The following TMEM117 variants were observed in gnomAD, a reference collection of about 807,000 sequenced individuals.
The protein encoded by TMEM117 is transmembrane protein 117.
A neutral mutation model predicts 52.4 loss-of-function variants in TMEM117; 27 were observed. The observed-to-expected ratio is 0.51, with a 90% CI of 0.38 to 0.71. The LOEUF is 0.71. Ranked by LOEUF, TMEM117 falls within the 30% of genes least tolerant of loss-of-function variation. The pLI, the probability that TMEM117 is intolerant of heterozygous loss-of-function variation, is 0.00. For missense variants in TMEM117, 556 were observed against 630.5 expected (o/e 0.88, Z 1.26); for synonymous variants, 215 against 206.3 (o/e 1.04, Z -0.36).
At chr12:43,933,605 C>G (rs1347968916) in intron 2 of TMEM117, among the ~76,000 whole-genome samples, 1 of 151,968 alleles carries the variant, frequency 6.6e-6, no homozygotes, top group Admixed American at 6.6e-5. Flanking sequence ...CACTCTGTCG[C>G]CAGGCTGGGA....
At chr12:44,244,128 G>T (rs976954833) in intron 5 of TMEM117, among the ~76,000 whole-genome samples, 5 of 151,794 alleles carry the variant, frequency 3.3e-5, no homozygotes, top group African/African-American at 1.2e-4. Flanking sequence ...CAATACTCTT[G>T]TATATATATC....
intron 6 of TMEM117, among the ~76,000 whole-genome samples, chr12:44,301,890 G>C (rs533249545): frequency 6.6e-6 from 1 of 152,268 alleles, no homozygotes; most frequent in Middle Eastern, 3.4e-3. Context: ...CTATGGTGAT[G>C]AGGTCATCTG....
At chr12:43,923,025 T>C (rs1204144111) in intron 2 of TMEM117, among the ~76,000 whole-genome samples, 1 of 152,196 alleles carries the variant, frequency 6.6e-6, no homozygotes, top group Admixed American at 6.5e-5. Flanking sequence ...TGGACACACC[T>C]CTGCTGGAGG....
intron 3 of TMEM117, among the ~76,000 whole-genome samples, chr12:44,141,005 A>G (rs117585699): frequency 5.5e-4 from 83 of 152,084 alleles, no homozygotes; most frequent in East Asian, 3.1e-3. Context: ...TAAATTTCCA[A>G]TGTTGTCTGT....
intron 3 of TMEM117, among the ~76,000 whole-genome samples, chr12:44,129,545 C>T (rs570503379): frequency 6.6e-6 from 1 of 152,298 alleles, no homozygotes; most frequent in East Asian, 1.9e-4. Context: ...CAAAGTGATT[C>T]CTCATGGAAC....
intron 6 of TMEM117, among the ~76,000 whole-genome samples, chr12:44,351,387 T>C (rs569596663): frequency 6.6e-6 from 1 of 152,128 alleles, no homozygotes; most frequent in East Asian, 1.9e-4. Context: ...CTATTTTTGC[T>C]TTGGTTTCCT....
chr12:43,920,039 T>G (rs1944666214), intron 2 of TMEM117, among the ~76,000 whole-genome samples: 1 of 152,038 alleles, frequency 6.6e-6, no homozygotes, highest in Non-Finnish European at 1.5e-5. Flanking sequence ...CTTCTCCCTG[T>G]GGCACAACCC....
intron 3 of TMEM117, among the ~76,000 whole-genome samples, chr12:44,075,767 G>C (rs1232272251): frequency 6.6e-6 from 1 of 152,128 alleles, no homozygotes; most frequent in Non-Finnish European, 1.5e-5. Context: ...GTATAGGGGG[G>C]AAATTATAGT....
chr12:44,284,451 A>G (rs1350742734), intron 5 of TMEM117, among the ~76,000 whole-genome samples: 1 of 152,234 alleles, frequency 6.6e-6, no homozygotes, highest in African/African-American at 2.4e-5. Context: ...GTGAAAACAG[A>G]CTAATACAAT....
chr12:44,286,750 T>C (rs1224129538), intron 5 of TMEM117, among the ~76,000 whole-genome samples: 1 of 152,246 alleles, frequency 6.6e-6, no homozygotes, highest in Non-Finnish European at 1.5e-5. Context: ...TGCTACTATG[T>C]CTCTAATCCC....
chr12:44,131,447 A>G (rs1948411980), intron 3 of TMEM117, among the ~76,000 whole-genome samples: 1 of 152,144 alleles, frequency 6.6e-6, no homozygotes, highest in African/African-American at 2.4e-5. Flanking sequence ...CATTAAAAGA[A>G]TGTGCATTCT....
intron 2 of TMEM117, among the ~76,000 whole-genome samples, chr12:43,845,412 G>A (rs949361125): frequency 4.1e-5 from 5 of 122,124 alleles, no homozygotes; most frequent in Non-Finnish European, 6.2e-5. Flanking sequence ...AGTGAGCCAA[G>A]ATTGCACCGC....
At chr12:44,282,275 C>T (rs148553657) in intron 5 of TMEM117, among the ~76,000 whole-genome samples, 2 of 152,094 alleles carry the variant, frequency 1.3e-5, no homozygotes, top group South Asian at 2.1e-4. Context: ...TAGAGTGGGA[C>T]GTTGCTGAAA....
chr12:44,191,172 G>T (rs564992812), intron 4 of TMEM117, among the ~76,000 whole-genome samples: 6 of 151,916 alleles, frequency 3.9e-5, no homozygotes, highest in African/African-American at 1.2e-4. Flanking sequence ...AGAGGGGGAA[G>T]CCTCTTATAA....
chr12:44,191,857 A>G lies in TMEM117; in HGVS notation c.511-19433A>G, dbSNP rs375071368. 4.3e-4 allele frequency among the ~76,000 whole-genome samples: 65 copies of G among 152,284 alleles called. 1 individual carries two copies. In the East Asian group the frequency reaches 0.011, roughly 25 times the overall value. ...ACTACTACATTTTTTTCTATAAGTA[A>G]TAGAATACATTCAATGTGTGCTGGT... On this transcript the variant is annotated intron_variant, in intron 4 of 7. Transcript: ENST00000266534.
At chr12:44,233,010 AT>A (rs1949951819) in intron 5 of TMEM117, among the ~76,000 whole-genome samples, 1 of 151,384 alleles carries the variant, frequency 6.6e-6, no homozygotes, top group Admixed American at 6.6e-5. Flanking sequence ...TATTATACTA[AT>A]TTTAATGATT....
intron 3 of TMEM117, among the ~76,000 whole-genome samples, chr12:43,945,507 G>C (rs1945117515): frequency 6.6e-6 from 1 of 152,072 alleles, no homozygotes; most frequent in South Asian, 2.1e-4. Context: ...TTTTTTAGTA[G>C]AGGTGGGATT....
chr12:44,093,791 G>T (rs1444347716), intron 3 of TMEM117, among the ~76,000 whole-genome samples: 1 of 125,122 alleles, frequency 8.0e-6, no homozygotes, highest in East Asian at 1.9e-4. Context: ...TTTCTTGGAG[G>T]AAGGCAGATA....
At chr12:43,959,758 T>C (rs1214204501) in intron 3 of TMEM117, among the ~76,000 whole-genome samples, 1 of 152,102 alleles carries the variant, frequency 6.6e-6, no homozygotes, top group African/African-American at 2.4e-5. Context: ...TTTTGGGAGG[T>C]GGTATTTGTT....
Sources: allele counts gnomAD v4.1 joint callset (sites outside exome capture counted in the v4.1 genomes callset), GRCh38; gene constraint gnomAD v4.1.1; transcripts MANE v1.5; gene names NCBI Gene and HGNC (gene_info 2026-07-23, HGNC 2026-07-21).